The following PGBD5 variants were observed in gnomAD, a reference collection of about 807,000 sequenced individuals.
PGBD5 encodes the protein piggyBac transposable element-derived protein 5.
In PGBD5, 14 loss-of-function variants were observed where a neutral mutation model predicts 47.9. The observed-to-expected ratio is 0.29, with a 90% CI of 0.19 to 0.46. The LOEUF (loss-of-function observed/expected upper bound fraction) is 0.46, where lower values mean the gene tolerates loss of function less well. PGBD5 is among the 20% of genes least tolerant of loss of function. The pLI is 1.00. For missense variants in PGBD5, 635 were observed against 716.0 expected (o/e 0.89, Z 1.29); for synonymous variants, 316 against 306.3 (o/e 1.03, Z -0.33).
chr1:230,425,508 GAGTCTGGA>G lies in PGBD5; in HGVS notation c.331+82_331+89del. The G allele has an allele frequency of 1.0e-6, 1 of 973,140 alleles. No homozygotes were observed. The highest frequency in any genetic ancestry group is 1.3e-6 in the Non-Finnish European group (1 of 759,584). The allele number at this position is 973,140 out of a possible 1,614,324, so 60.3% of individuals were successfully genotyped here. A position where few individuals can be genotyped will look rare whatever the true frequency, so the allele number is the denominator to read the frequency against. On this transcript the variant is annotated intron_variant, in intron 1 of 6. Coordinates refer to ENST00000391860, the MANE Select transcript of PGBD5 (RefSeq NM_001258311.2). This position sits in a 1 kb window ranked among gnomAD's most constrained non-coding sequence, Gnocchi z 4.7. ...AGACACCCACAAGCCAGCCCACGGA[GAGTCTGGA>G]CTCGCCCGCCCCAGCACCCACGCCT...
At chr1:230,381,552 C>CT (rs1656494653) in intron 1 of PGBD5, among the ~76,000 whole-genome samples, 1 of 152,264 alleles carries the variant, frequency 6.6e-6, no homozygotes, top group Non-Finnish European at 1.5e-5. Flanking sequence ...CCATCCCTGC[C>CT]TGAGCAGACT....
Position 230,322,991 on chromosome 1 carries a change from C to T in PGBD5, c.*434G>A, listed in dbSNP as rs919987120. The T allele has an allele frequency of 6.5e-5, 11 of 169,564 alleles. No homozygotes were observed. The highest frequency in any genetic ancestry group is 3.1e-4 in the South Asian group (2 of 6,500). The allele number at this position is 169,564 out of a possible 1,614,324, so 10.5% of individuals were successfully genotyped here. ...CCTGAGCCATTGTAACCATGCAGGG[C>T]GTCTTTGCTTCCTTCAAGTCTTGAA... On this transcript the variant is annotated 3_prime_UTR_variant, in exon 7 of 7. Transcript: ENST00000391860. The surrounding 1 kb of genome is among the most constrained non-coding windows in gnomAD (Gnocchi z 5.9).
chr1:230,337,261 C>T lies in PGBD5; in HGVS notation c.922G>A (p.Gly308Ser), dbSNP rs1489890767. The change falls in exon 4 of 7, where the codon GGC becomes AGC. Residue 308 changes from glycine (G) to serine (S), a missense_variant. Coordinates refer to ENST00000391860, the MANE Select transcript of PGBD5 (RefSeq NM_001258311.2). ...QIYVHLKEGG[G>S]PDGLDALKNK... ...TTCAGCGCATCCAGGCCATCTGGGC[C>T]CCCACCTTCCTTCAGGTGGACATAA... is the stretch of plus-strand genomic sequence containing the variant. 2 of 1,613,122 alleles carry T rather than the reference C, an allele frequency of 1.2e-6. No homozygotes were observed. The highest frequency in any genetic ancestry group is 4.5e-5 in the East Asian group (2 of 44,894).
intron 5 of PGBD5, among the ~76,000 whole-genome samples, chr1:230,328,231 G>A (rs1280701083): frequency 6.6e-6 from 1 of 152,104 alleles, no homozygotes; most frequent in Admixed American, 6.5e-5. Flanking sequence ...ACCTCACCAC[G>A]GGACATGGGA....
chr1:230,332,787 G>A, intron 5 of PGBD5, 57 bp downstream of exon 5: 1 of 1,599,378 alleles, frequency 6.3e-7, no homozygotes, highest in Non-Finnish European at 8.5e-7. Context: ...GGTGGGCTCG[G>A]CCAAGCTCAA....
chr1:230,420,434 G>T (rs1415935467), intron 1 of PGBD5, among the ~76,000 whole-genome samples: 1 of 152,152 alleles, frequency 6.6e-6, no homozygotes, highest in Non-Finnish European at 1.5e-5. Flanking sequence ...TACAATTTTT[G>T]ATGTGGTTTG....
intron 5 of PGBD5, among the ~76,000 whole-genome samples, chr1:230,332,429 A>T (rs1446733740): frequency 6.6e-6 from 1 of 152,238 alleles, no homozygotes; most frequent in Admixed American, 6.5e-5. Context: ...CAGCGGATGA[A>T]CCAGACAGCG....
At position 230,352,911 on chromosome 1, in the gene PGBD5, C is replaced by T. The variant is rs547872493; in HGVS notation, c.760-1819G>A. On this transcript the variant is annotated intron_variant, in intron 2 of 6. Transcript: ENST00000391860. ...CCGAAGACGTGCATCCTACTCTGTC[C>T]TCTGAGGCCACAGCAAATGAAAATT... Among the ~76,000 whole-genome samples, 30 of 152,284 alleles carry T rather than the reference C, an allele frequency of 2.0e-4. No homozygotes were observed. In the South Asian group the frequency reaches 6.2e-3, roughly 32 times the overall value.
Position 230,315,916 on chromosome 1 carries a change from G to GTGTACACATACATA in PGBD5, c.*7508_*7509insTATGTATGTGTACA, listed in dbSNP as rs1666931235. On this transcript the variant is annotated 3_prime_UTR_variant, in exon 7 of 7. Transcript: ENST00000391860. ...TTTATGTGTACACATATATGTATAT[G>GTGTACACATACATA]TGTATATGTGTACACATATATGTAT... 7.1e-6 allele frequency: 1 copy of GTGTACACATACATA among 141,300 alleles called. No homozygotes were observed. Among genetic ancestry groups the GTGTACACATACATA allele is most frequent in the Non-Finnish European group, 1.5e-5 (1 of 65,980 alleles). 8.8% of individuals were successfully genotyped at this position (141,300 alleles called of 1,614,324 possible). A position where few individuals can be genotyped will look rare whatever the true frequency, so the allele number is the denominator to read the frequency against.
rs1274150834 is a variant in PGBD5, at chr1:230,316,974, C to T, written c.*6451G>A. The T allele has an allele frequency of 6.6e-6, 1 of 152,210 alleles. No individual in the cohort carries two copies. Among genetic ancestry groups the T allele is most frequent in the Non-Finnish European group, 1.5e-5 (1 of 68,070 alleles). The allele number at this position is 152,210 out of a possible 1,614,324, so 9.4% of individuals were successfully genotyped here. On this transcript the variant is annotated 3_prime_UTR_variant, in exon 7 of 7. Transcript: ENST00000391860. ...GTCAAATGCAGTGTGACTGCAGCCT[C>T]TTGAGGAGGCTCAGACTCTTGTGTT...
intron 1 of PGBD5, among the ~76,000 whole-genome samples, chr1:230,390,932 G>T (rs1223957134): frequency 1.3e-5 from 2 of 152,094 alleles, no homozygotes; most frequent in Non-Finnish European, 2.9e-5. Flanking sequence ...TAGAGACAGG[G>T]TTTCATCATG....
intron 1 of PGBD5, among the ~76,000 whole-genome samples, chr1:230,423,899 G>T (rs1657714547): frequency 6.6e-6 from 1 of 152,174 alleles, no homozygotes. Flanking sequence ...CTTCATGACC[G>T]TAAGTGCTGC....
At chr1:230,362,258 T>C (rs963105515) in intron 1 of PGBD5, 1 of 1,363,846 alleles carries the variant, frequency 7.3e-7, no homozygotes, top group Non-Finnish European at 9.8e-7. Flanking sequence ...TAGCTTCCTC[T>C]ACCAGCTCCT....
Position 230,332,918 on chromosome 1 carries a change from T to G in PGBD5, c.1199A>C (p.Asn400Thr), listed in dbSNP as rs1191513556. 45 of 1,614,120 alleles carry G rather than the reference T, an allele frequency of 2.8e-5. No individual in the cohort carries two copies. The highest frequency in any genetic ancestry group is 3.6e-5 in the Non-Finnish European group (43 of 1,180,042). Residue 400 changes from asparagine to threonine, a missense_variant, in exon 5 of 7, where the codon AAC becomes ACC. Asn to Thr is a moderately conservative substitution (Grantham distance 65). Transcript: ENST00000391860. ...RGQYQIKMKGNMSLICWYNKG... is the reference protein window; with the variant it reads ...RGQYQIKMKGTMSLICWYNKG... ...GTTGTACCAGCAGATCAAGGACATGTTCCCCTTCATCTTGATTTGGTACTG... is the reference window on the plus strand; with the variant it reads ...GTTGTACCAGCAGATCAAGGACATGGTCCCCTTCATCTTGATTTGGTACTG...
intron 1 of PGBD5, among the ~76,000 whole-genome samples, chr1:230,392,626 T>C (rs1260482806): frequency 6.6e-6 from 1 of 152,196 alleles, no homozygotes. Context: ...CTTGCAAGCG[T>C]GTCCTTCACC....
intron 1 of PGBD5, among the ~76,000 whole-genome samples, chr1:230,387,058 T>C (rs188722018): frequency 1.1e-3 from 163 of 152,252 alleles, no homozygotes; most frequent in African/African-American, 3.7e-3. Context: ...AGCATTCCCA[T>C]TTCCTTCTAT....
At position 230,425,839 on chromosome 1, in the gene PGBD5, G is replaced by A. The variant is rs1269287672; in HGVS notation, c.90C>T (p.Asp30=). 1.7e-6 allele frequency: 2 copies of A among 1,203,102 alleles called. No individual in the cohort carries two copies. Among genetic ancestry groups the A allele is most frequent in the African/African-American group, 1.6e-5 (1 of 62,766 alleles). 74.5% of individuals were successfully genotyped at this position (1,203,102 alleles called of 1,614,324 possible). A position where few individuals can be genotyped will look rare whatever the true frequency, so the allele number is the denominator to read the frequency against. The change falls in exon 1 of 7, where the codon GAC becomes GAT. Residue 30 remains aspartate (D), a synonymous_variant. Transcript: ENST00000391860. This position sits in a 1 kb window ranked among gnomAD's most constrained non-coding sequence, Gnocchi z 4.7. ...RARYESLHIS[D]DVFGESGPDS... is the part of the protein sequence containing the mutation. ...CCGGGCCGGACTCGCCGAACACGTCGTCCGAGATGTGCAGGCTCTCGTAGC... is the reference window on the plus strand; with the variant it reads ...CCGGGCCGGACTCGCCGAACACGTCATCCGAGATGTGCAGGCTCTCGTAGC...
chr1:230,417,704 C>A (rs1657549707), intron 1 of PGBD5, among the ~76,000 whole-genome samples: 1 of 152,218 alleles, frequency 6.6e-6, no homozygotes, highest in African/African-American at 2.4e-5. Flanking sequence ...GGAAGTGAGG[C>A]ACCTCTGGAA....
At chr1:230,362,000 A>G (rs888478403) in intron 1 of PGBD5, among the ~76,000 whole-genome samples, 1 of 152,264 alleles carries the variant, frequency 6.6e-6, no homozygotes, top group Admixed American at 6.5e-5. Context: ...GTGGCCAGAC[A>G]GAATGCCTTG....
Sources: allele counts gnomAD v4.1 joint callset (sites outside exome capture counted in the v4.1 genomes callset), GRCh38; gene constraint gnomAD v4.1.1; non-coding constraint Gnocchi (gnomAD v3.1); transcripts MANE v1.5; gene names NCBI Gene and HGNC (gene_info 2026-07-23, HGNC 2026-07-21).